C10orf90: variants seen among roughly 807,000 people sequenced by gnomAD.
The protein encoded by C10orf90 is (E2-independent) E3 ubiquitin-conjugating enzyme FATS.
C10orf90 carries 56 observed loss-of-function variants against 62.5 expected under a neutral mutation model. The ratio of observed to expected loss-of-function variants is 0.90; its 90% CI spans 0.72 to 1.12. The LOEUF (loss-of-function observed/expected upper bound fraction) is 1.12. Among genes scored for constraint, C10orf90 ranks in the 50% most tolerant of loss-of-function variants. The pLI is 0.00. For missense variants in C10orf90, 970 were observed against 880.4 expected, an observed-to-expected ratio of 1.10 and a Z score of -1.29; for synonymous variants, 386 against 340.4, an observed-to-expected ratio of 1.13 and a Z score of -1.47.
chr10:126,489,034 A>C (rs1395214491), intron 4 of C10orf90, among the ~76,000 whole-genome samples: 1 of 152,170 alleles, frequency 6.6e-6, no homozygotes, highest in African/African-American at 2.4e-5. Flanking sequence ...TTCATTGTAT[A>C]AACCTTTTTC....
chr10:126,426,221 C>T, intron 8 of C10orf90, 131 bp from the exon 9 acceptor site: 1 of 730,710 alleles, frequency 1.4e-6, no homozygotes, highest in African/African-American at 1.8e-5. Context: ...TAGCTCACAA[C>T]TGTAGGATGC....
intron 2 of C10orf90, among the ~76,000 whole-genome samples, chr10:126,613,026 G>T (rs895758635): frequency 1.3e-5 from 2 of 151,998 alleles, no homozygotes; most frequent in Admixed American, 1.3e-4. Flanking sequence ...TGGATTTTAC[G>T]CACCTTTGAA....
chr10:126,548,500 G>A (rs538332424), intron 2 of C10orf90, among the ~76,000 whole-genome samples: 1 of 152,270 alleles, frequency 6.6e-6, no homozygotes, highest in South Asian at 2.1e-4. Flanking sequence ...CCCAGTAGCT[G>A]GGATTACAGG....
chr10:126,638,551 C>T (rs902735980), intron 2 of C10orf90, among the ~76,000 whole-genome samples: 10 of 152,096 alleles, frequency 6.6e-5, no homozygotes, highest in African/African-American at 2.4e-4. Flanking sequence ...TCCTCTACAT[C>T]TTCTCTCTCC....
chr10:126,534,935 C>T (rs1018434603), intron 2 of C10orf90, among the ~76,000 whole-genome samples: 2 of 152,120 alleles, frequency 1.3e-5, no homozygotes, highest in Non-Finnish European at 2.9e-5. Flanking sequence ...CAGCAGTGGG[C>T]CACTTCCCAC....
chr10:126,475,090 T>G (rs1292236478), intron 4 of C10orf90, among the ~76,000 whole-genome samples: 1 of 152,152 alleles, frequency 6.6e-6, no homozygotes, highest in African/African-American at 2.4e-5. Context: ...TGCTGAGCAG[T>G]CCAAATCACC....
intron 2 of C10orf90, among the ~76,000 whole-genome samples, chr10:126,551,612 G>A (rs1259657280): frequency 6.6e-6 from 1 of 152,146 alleles, no homozygotes; most frequent in Admixed American, 6.5e-5. Flanking sequence ...CTGAATCTCA[G>A]CAGATCCAAG....
intron 2 of C10orf90, among the ~76,000 whole-genome samples, chr10:126,566,804 C>T (rs928664679): frequency 1.3e-5 from 2 of 152,022 alleles, no homozygotes; most frequent in Non-Finnish European, 2.9e-5. Flanking sequence ...GCAGCGAGAC[C>T]AGTTAAGAGG....
chr10:126,621,958 A>C (rs1845651988), intron 2 of C10orf90, among the ~76,000 whole-genome samples: 1 of 150,790 alleles, frequency 6.6e-6, no homozygotes, highest in Admixed American at 6.6e-5. Flanking sequence ...CCTGCCCCAC[A>C]CCACCCCCTA....
chr10:126,525,892 C>T (rs1863927406), intron 2 of C10orf90, among the ~76,000 whole-genome samples: 1 of 152,148 alleles, frequency 6.6e-6, no homozygotes, highest in Admixed American at 6.5e-5. Context: ...GAGCCCTGCA[C>T]TGCCTGTCTT....
chr10:126,612,525 T>A (rs1591143970), intron 2 of C10orf90, among the ~76,000 whole-genome samples: 1 of 152,090 alleles, frequency 6.6e-6, no homozygotes, highest in Non-Finnish European at 1.5e-5. Flanking sequence ...TCCGCTGAGG[T>A]ACCCCATCAC....
chr10:126,566,726 G>T (rs1844398697), intron 2 of C10orf90, among the ~76,000 whole-genome samples: 1 of 152,176 alleles, frequency 6.6e-6, no homozygotes, highest in Admixed American at 6.5e-5. Context: ...GACCACAGGT[G>T]CTGACCTTTT....
intron 2 of C10orf90, among the ~76,000 whole-genome samples, chr10:126,637,075 C>T (rs1845966234): frequency 6.6e-6 from 1 of 151,982 alleles, no homozygotes; most frequent in Non-Finnish European, 1.5e-5. Flanking sequence ...TTAAAGGAGC[C>T]GAAAGTCACA....
In C10orf90 at chr10:126,617,746, G is replaced by T. The variant is rs979545490; in HGVS notation, c.313+28819C>A. On this transcript the variant is annotated intron_variant, in intron 2 of 9. Coordinates refer to ENST00000488181, the MANE Select transcript of C10orf90 (RefSeq NM_001350921.2). Reference sequence around the variant, plus strand: ...TGGTCTCCTCTCTCAGATCAGATTTGCCAGGCTGATCTGCTACCTCATCCC... The same window carrying T: ...TGGTCTCCTCTCTCAGATCAGATTTTCCAGGCTGATCTGCTACCTCATCCC... Among the ~76,000 whole-genome samples the T allele has an allele frequency of 5.3e-5, 8 of 152,330 alleles. No homozygotes were observed. In the East Asian group the frequency reaches 1.5e-3, roughly 29 times the overall value.
At chr10:126,663,907 A>G (rs1242367908) in intron 1 of C10orf90, among the ~76,000 whole-genome samples, 1 of 152,196 alleles carries the variant, frequency 6.6e-6, no homozygotes, top group African/African-American at 2.4e-5. Context: ...AATCTTCCAT[A>G]AGATGGTAAA....
chr10:126,502,965 A>G (rs1862490516), intron 4 of C10orf90: 1 of 268,970 alleles, frequency 3.7e-6, no homozygotes, highest in Admixed American at 4.8e-5. Flanking sequence ...TAACATTTCT[A>G]TACACATTAT....
chr10:126,436,842 T>C (rs1857953092), intron 7 of C10orf90, among the ~76,000 whole-genome samples: 1 of 152,082 alleles, frequency 6.6e-6, no homozygotes, highest in Non-Finnish European at 1.5e-5. Context: ...TTGTTTTTTG[T>C]AGAGATGGGG....
chr10:126,464,136 A>G (rs1860150798), intron 5 of C10orf90, among the ~76,000 whole-genome samples: 1 of 152,110 alleles, frequency 6.6e-6, no homozygotes, highest in African/African-American at 2.4e-5. Context: ...TTGTTGCACC[A>G]TTTAGTAGTG....
rs368642870 is a variant in C10orf90 at position 126,453,036 on chromosome 10, G to A, written c.2188+6004C>T. On this transcript the variant is annotated intron_variant, in intron 7 of 9. Coordinates refer to ENST00000488181, the MANE Select transcript of C10orf90 (RefSeq NM_001350921.2). The surrounding 1 kb of genome is among the most constrained non-coding windows in gnomAD (Gnocchi z 4.9). ...ACCTCTGTCTCCTGTCTCCTGGGTC[G>A]CATCTTCAGCTAGATGCTCTGGGAA... is the stretch of plus-strand genomic sequence containing the variant. Among the ~76,000 whole-genome samples the A allele has an allele frequency of 4.6e-5, 7 of 152,078 alleles. No homozygotes were observed. Among genetic ancestry groups the A allele is most frequent in the African/African-American group, 1.7e-4 (7 of 41,406 alleles).
Sources: allele counts gnomAD v4.1 joint callset (sites outside exome capture counted in the v4.1 genomes callset), GRCh38; gene constraint gnomAD v4.1.1; non-coding constraint Gnocchi (gnomAD v3.1); transcripts MANE v1.5; gene names NCBI Gene and HGNC (gene_info 2026-07-23, HGNC 2026-07-21).